The following KCNN2 variants were observed in gnomAD, a reference collection of about 807,000 sequenced individuals.
KCNN2 encodes the protein potassium calcium-activated channel subfamily N member 2, also known as small conductance calcium-activated potassium channel protein 2.
KCNN2 carries 24 observed loss-of-function variants against 55.5 expected under a neutral mutation model. That is an observed-to-expected ratio of 0.43 (90% confidence interval 0.31 to 0.61). KCNN2 has a LOEUF of 0.61. KCNN2 is among the 20% of genes least tolerant of loss of function. The pLI is 0.08. For synonymous variants in KCNN2, 431 were observed against 336.1 expected (o/e 1.28, Z -3.09); for missense variants, 754 against 853.6 (o/e 0.88, Z 1.45).
intron 2 of KCNN2, among the ~76,000 whole-genome samples, chr5:114,278,298 G>A (rs1022422237): frequency 3.9e-5 from 6 of 152,136 alleles, no homozygotes; most frequent in African/African-American, 1.4e-4. Context: ...CAGGCTACAT[G>A]GGGGTCAGGG....
At chr5:114,384,799 C>T (rs1049530170) in intron 2 of KCNN2, among the ~76,000 whole-genome samples, 1 of 152,030 alleles carries the variant, frequency 6.6e-6, no homozygotes, top group African/African-American at 2.4e-5. Context: ...TGGAAGGGAC[C>T]GGATTGATTC....
Position 114,363,013 on chromosome 5 carries a change from G to A in KCNN2, c.874G>A (p.Ala292Thr). The change falls in exon 1 of 8, where the codon GCG (alanine) becomes ACG (threonine). Residue 292 changes from alanine to threonine, a missense_variant. By Grantham distance (58) the Ala-to-Thr change is moderately conservative. Transcript: ENST00000673685. ...KPEHNNSNNL[A>T]LYGTGGGGST... Reference sequence around the variant, plus strand: ...CGAGCACAACAACTCCAACAACCTGGCGCTCTATGGAACCGGCGGCGGAGG... The same window carrying A: ...CGAGCACAACAACTCCAACAACCTGACGCTCTATGGAACCGGCGGCGGAGG... The A allele has an allele frequency of 6.3e-7, 1 of 1,599,166 alleles. No homozygotes were observed. The highest frequency in any genetic ancestry group is 8.5e-7 in the Non-Finnish European group (1 of 1,175,980).
chr5:114,406,784 C>T (rs953238940), intron 3 of KCNN2, among the ~76,000 whole-genome samples: 1 of 152,026 alleles, frequency 6.6e-6, no homozygotes, highest in Non-Finnish European at 1.5e-5. Flanking sequence ...TTCTTGAACC[C>T]CATTTCACCC....
intron 2 of KCNN2, among the ~76,000 whole-genome samples, chr5:114,226,719 G>C (rs1238297238): frequency 6.6e-6 from 1 of 151,854 alleles, no homozygotes; most frequent in African/African-American, 2.4e-5. Flanking sequence ...TGGCTAACAC[G>C]GTGAATCCCA....
At chr5:114,120,905 A>T (rs1375247880) in intron 1 of KCNN2, among the ~76,000 whole-genome samples, 1 of 152,224 alleles carries the variant, frequency 6.6e-6, no homozygotes, top group East Asian at 1.9e-4. Flanking sequence ...TGGCATACTT[A>T]AAAATATGAG....
intron 3 of KCNN2, among the ~76,000 whole-genome samples, chr5:114,456,342 A>G (rs1268721007): frequency 6.6e-6 from 1 of 152,226 alleles, no homozygotes; most frequent in Non-Finnish European, 1.5e-5. Flanking sequence ...ATCTGTTTAT[A>G]GCATCATTTA....
intron 2 of KCNN2, among the ~76,000 whole-genome samples, chr5:114,250,038 C>G (rs1754827196): frequency 6.6e-6 from 1 of 152,122 alleles, no homozygotes; most frequent in Middle Eastern, 3.4e-3. Flanking sequence ...TTCCATTGTG[C>G]TATATAAACA....
At chr5:114,330,824 T>C (rs188816678) in intron 2 of KCNN2, among the ~76,000 whole-genome samples, 1 of 152,334 alleles carries the variant, frequency 6.6e-6, no homozygotes, top group East Asian at 1.9e-4. Flanking sequence ...AGCAGAATCT[T>C]TCTCATTAAA....
chr5:114,248,376 T>A (rs1047723642), intron 2 of KCNN2, among the ~76,000 whole-genome samples: 1 of 152,194 alleles, frequency 6.6e-6, no homozygotes, highest in Non-Finnish European at 1.5e-5. Context: ...GGGGGGAAGT[T>A]ACACAATGTA....
chr5:114,282,321 G>A (rs1365488546), intron 2 of KCNN2, among the ~76,000 whole-genome samples: 1 of 152,064 alleles, frequency 6.6e-6, no homozygotes, highest in Non-Finnish European at 1.5e-5. Flanking sequence ...GTTTTAGAAT[G>A]TATTGAAATT....
At chr5:114,336,496 T>C (rs1314073797) in intron 2 of KCNN2, among the ~76,000 whole-genome samples, 1 of 152,230 alleles carries the variant, frequency 6.6e-6, no homozygotes, top group Non-Finnish European at 1.5e-5. Flanking sequence ...TAAGTTCATG[T>C]GCATCACTGT....
At chr5:114,274,167 T>A (rs932591716) in intron 2 of KCNN2, among the ~76,000 whole-genome samples, 1 of 152,170 alleles carries the variant, frequency 6.6e-6, no homozygotes, top group Non-Finnish European at 1.5e-5. Flanking sequence ...TGCTATTATT[T>A]TGAAGGCCTG....
chr5:114,468,081 A>C (rs1047699808), intron 4 of KCNN2, among the ~76,000 whole-genome samples: 3 of 152,266 alleles, frequency 2.0e-5, no homozygotes, highest in African/African-American at 7.2e-5. Flanking sequence ...CTTTTCTTAC[A>C]ATGAGGACAT....
At chr5:114,066,559 T>G (rs555299528) in intron 1 of KCNN2, among the ~76,000 whole-genome samples, 1 of 152,336 alleles carries the variant, frequency 6.6e-6, no homozygotes, top group Non-Finnish European at 1.5e-5. Context: ...AGCTGAAAGA[T>G]TCAAGTGTTT....
intron 1 of KCNN2, among the ~76,000 whole-genome samples, chr5:114,063,711 C>T (rs1750380042): frequency 6.6e-6 from 1 of 152,150 alleles, no homozygotes; most frequent in Non-Finnish European, 1.5e-5. Context: ...CCAGCTGCAC[C>T]AGTTTGACCC....
chr5:114,077,907 A>G (rs1750717014), intron 1 of KCNN2, among the ~76,000 whole-genome samples: 1 of 152,170 alleles, frequency 6.6e-6, no homozygotes, highest in Admixed American at 6.5e-5. Flanking sequence ...ACAGACCAGG[A>G]GAGACTTTAT....
chr5:114,463,191 G>T lies in KCNN2; in HGVS notation c.1779+1G>T, dbSNP rs1346177111. On this transcript the variant is annotated splice_donor_variant, in intron 4 of 7. Coordinates refer to ENST00000673685, the MANE Select transcript of KCNN2 (RefSeq NM_021614.4). LOFTEE classifies it high-confidence loss of function. ...AGTCTGCTTACTTACTGGAATTATG[G>T]TAAGTGTCTTTATACTTCACATCTC... 6.2e-7 allele frequency: 1 copy of T among 1,610,770 alleles called. No homozygotes were observed. Among genetic ancestry groups the T allele is most frequent in the Admixed American group, 1.7e-5 (1 of 59,546 alleles).
intron 2 of KCNN2, among the ~76,000 whole-genome samples, chr5:114,279,004 G>A (rs934554266): frequency 1.8e-5 from 2 of 113,162 alleles, no homozygotes; most frequent in Non-Finnish European, 3.7e-5. Flanking sequence ...CTTCTTGGAA[G>A]CAACCCCCTA....
intron 1 of KCNN2, among the ~76,000 whole-genome samples, chr5:114,078,413 T>G (rs1750728690): frequency 1.3e-5 from 2 of 152,182 alleles, no homozygotes; most frequent in South Asian, 4.1e-4. Context: ...AGGGATTTGG[T>G]GTTTATTCAG....
Sources: allele counts gnomAD v4.1 joint callset (sites outside exome capture counted in the v4.1 genomes callset), GRCh38; gene constraint gnomAD v4.1.1; transcripts MANE v1.5; gene names NCBI Gene and HGNC (gene_info 2026-07-23, HGNC 2026-07-21).